The following ZNF280B variants were observed in gnomAD, a reference collection of about 807,000 sequenced individuals.
ZNF280B encodes zinc finger protein 280B, also known as suppressor of hairy wing homolog 2.
ZNF280B carries 16 observed loss-of-function variants against 38.0 expected under a neutral mutation model. The observed-to-expected ratio is 0.42, with a 90% CI of 0.28 to 0.64. The LOEUF (loss-of-function observed/expected upper bound fraction) is 0.64, where lower values mean the gene tolerates loss of function less well. ZNF280B is among the 30% of genes least tolerant of loss of function. The probability of loss-of-function intolerance (pLI) is 0.21; values close to 1 mark genes in which losing one functional copy is unlikely to be tolerated. For missense variants in ZNF280B, 581 were observed against 639.6 expected, an observed-to-expected ratio of 0.91 and a Z score of 0.99; for synonymous variants, 253 against 230.6, an observed-to-expected ratio of 1.10 and a Z score of -0.88.
chr22:22,495,191 C>T (rs2061670385), intron 2 of ZNF280B, among the ~76,000 whole-genome samples: 1 of 151,960 alleles, frequency 6.6e-6, no homozygotes, highest in African/African-American at 2.4e-5. Flanking sequence ...TAACAGTACA[C>T]CTTAGGAGCT....
chr22:22,505,532 C>T (rs976768211), intron 2 of ZNF280B, among the ~76,000 whole-genome samples: 1 of 151,704 alleles, frequency 6.6e-6, no homozygotes, highest in Non-Finnish European at 1.5e-5. Context: ...TGCCACTGCA[C>T]TCCAGCCTGG....
chr22:22,489,111 T>C lies in ZNF280B; in HGVS notation c.288A>G (p.Ser96=), dbSNP rs2061544247. 3 of 1,613,940 alleles carry C rather than the reference T, an allele frequency of 1.9e-6. No homozygotes were observed. In the East Asian group the frequency reaches 6.7e-5, roughly 36 times the overall value. The change falls in exon 4 of 4, where the codon TCA becomes TCG. Residue 96 remains serine, a synonymous_variant. Coordinates refer to ENST00000626650, the MANE Select transcript of ZNF280B (RefSeq NM_080764.4). ...LQPKSHETVT[S]EAVTVLPASQ... ...AAGCTGGCAGGACGGTCACTGCTTC[T>C]GATGTAACGGTCTCATGACTTTTAG...
intron 2 of ZNF280B, among the ~76,000 whole-genome samples, chr22:22,498,132 C>T (rs2061738713): frequency 6.6e-6 from 1 of 151,760 alleles, no homozygotes; most frequent in African/African-American, 2.4e-5. Flanking sequence ...ATTTCATTTA[C>T]AGGAAATATC....
chr22:22,504,629 T>G (rs1207218195), intron 2 of ZNF280B, among the ~76,000 whole-genome samples: 2 of 152,014 alleles, frequency 1.3e-5, no homozygotes, highest in Admixed American at 1.3e-4. Context: ...TAAGGTTCTG[T>G]GTGTAGCCAA....
chr22:22,488,930 T>C lies in ZNF280B; in HGVS notation c.469A>G (p.Ser157Gly), dbSNP rs762058379. The change falls in exon 4 of 4, where the codon AGT (serine) becomes GGT (glycine). Residue 157 changes from serine (S) to glycine (G), a missense_variant. Transcript: ENST00000626650. ...TFTDSLHHPV[S>G]TALSVGGINE... ...ATACCTCCTACTGAAAGTGCTGTAC[T>C]TACTGGATGATGCAATGAATCTGTG... 6.2e-7 allele frequency: 1 copy of C among 1,613,842 alleles called. No individual in the cohort carries two copies.
Position 22,508,717 on chromosome 22 carries a change from C to A in ZNF280B, c.-306G>T, listed in dbSNP as rs529554506. 11 of 151,930 alleles carry A rather than the reference C, an allele frequency of 7.2e-5. No homozygotes were observed. The highest frequency in any genetic ancestry group is 2.4e-4 in the African/African-American group (10 of 41,382). 9.4% of individuals were successfully genotyped at this position (151,930 alleles called of 1,614,324 possible). A position where few individuals can be genotyped will look rare whatever the true frequency, so the allele number is the denominator to read the frequency against. ...GCCACGCACCAGCCCCGGAGGCGCTCCCGGGGCACAGCCGGCGGCGACTAC... is the reference window on the plus strand; with the variant it reads ...GCCACGCACCAGCCCCGGAGGCGCTACCGGGGCACAGCCGGCGGCGACTAC... On this transcript the variant is annotated 5_prime_UTR_variant, in exon 1 of 4. Transcript: ENST00000626650.
rs989845927 is a variant in ZNF280B, at chr22:22,486,903, A to G, written c.*864T>C. The G allele has an allele frequency of 2.0e-5, 3 of 151,950 alleles. No homozygotes were observed. The highest frequency in any genetic ancestry group is 4.4e-5 in the Non-Finnish European group (3 of 68,030). 9.4% of individuals were successfully genotyped at this position (151,950 alleles called of 1,614,324 possible). A position where few individuals can be genotyped will look rare whatever the true frequency, so the allele number is the denominator to read the frequency against. ...CTGCTCACGCAGCAGCTTCTCTTTC[A>G]ATTCCACATCCTGGCTTTTCAGAAT... On this transcript the variant is annotated 3_prime_UTR_variant, in exon 4 of 4. Transcript: ENST00000626650.
Position 22,508,720 on chromosome 22 carries a change from G to A in ZNF280B, c.-309C>T, listed in dbSNP as rs1005392409. 6.6e-6 allele frequency: 1 copy of A among 151,884 alleles called. No individual in the cohort carries two copies. Among genetic ancestry groups the A allele is most frequent in the Non-Finnish European group, 1.5e-5 (1 of 68,002 alleles). The allele number at this position is 151,884 out of a possible 1,614,324, so 9.4% of individuals were successfully genotyped here. A position where few individuals can be genotyped will look rare whatever the true frequency, so the allele number is the denominator to read the frequency against. On this transcript the variant is annotated 5_prime_UTR_variant, in exon 1 of 4. Transcript: ENST00000626650. ...ACGCACCAGCCCCGGAGGCGCTCCC[G>A]GGGCACAGCCGGCGGCGACTACGCC...
chr22:22,501,019 C>CA (rs56907724), intron 2 of ZNF280B, among the ~76,000 whole-genome samples: 1,152 of 60,120 alleles, frequency 0.019, 24 homozygotes, highest in South Asian at 0.048. Context: ...GACTCCGTCT[C>CA]AAAAAAAAAA....
chr22:22,496,348 T>C (rs138505357), intron 2 of ZNF280B, among the ~76,000 whole-genome samples: 12 of 151,682 alleles, frequency 7.9e-5, no homozygotes, highest in Non-Finnish European at 1.5e-4. Flanking sequence ...TCCACCCACC[T>C]TGGCCTCCAA....
At chr22:22,505,497 C>T (rs1221853948) in intron 2 of ZNF280B, among the ~76,000 whole-genome samples, 1 of 151,842 alleles carries the variant, frequency 6.6e-6, no homozygotes, top group East Asian at 2.0e-4. Context: ...ACCCAGAAGA[C>T]AGAGGCTGCG....
At chr22:22,492,792 A>C (rs961166451) in intron 3 of ZNF280B, among the ~76,000 whole-genome samples, 8 of 151,320 alleles carry the variant, frequency 5.3e-5, no homozygotes, top group African/African-American at 1.9e-4. Flanking sequence ...AGGCTGAGGC[A>C]GGAGAATCGC....
intron 2 of ZNF280B, among the ~76,000 whole-genome samples, chr22:22,505,224 G>C (rs1001473694): frequency 1.3e-5 from 2 of 151,914 alleles, no homozygotes; most frequent in Non-Finnish European, 2.9e-5. Flanking sequence ...GATAAAAAAT[G>C]AGCTGTTTGT....
chr22:22,500,325 A>G (rs1402846432), intron 2 of ZNF280B, among the ~76,000 whole-genome samples: 1 of 151,814 alleles, frequency 6.6e-6, no homozygotes, highest in Admixed American at 6.6e-5. Context: ...AAGGGGTAGA[A>G]GCAACCCAAA....
rs1054406921 is a variant in ZNF280B at position 22,487,484 on chromosome 22, T to TA, written c.*282dup. 20 of 185,784 alleles carry TA rather than the reference T, an allele frequency of 1.1e-4. No homozygotes were observed. The highest frequency in any genetic ancestry group is 1.8e-4 in the Non-Finnish European group (17 of 95,076). 11.5% of individuals were successfully genotyped at this position (185,784 alleles called of 1,614,324 possible). A position where few individuals can be genotyped will look rare whatever the true frequency, so the allele number is the denominator to read the frequency against. On this transcript the variant is annotated 3_prime_UTR_variant, in exon 4 of 4. Coordinates refer to ENST00000626650, the MANE Select transcript of ZNF280B (RefSeq NM_080764.4). Reference sequence around the variant, plus strand: ...AAAAAAAAAAAAAAAAAATTAAAATTAAAAAAATAAATTAATACCTTTTTC... The same window carrying TA: ...AAAAAAAAAAAAAAAAAATTAAAATTAAAAAAAATAAATTAATACCTTTTTC...
chr22:22,501,938 G>GA (rs558752305), intron 2 of ZNF280B, among the ~76,000 whole-genome samples: 75 of 144,214 alleles, frequency 5.2e-4, no homozygotes, highest in African/African-American at 9.1e-4. Context: ...ACTGTCTCAA[G>GA]AAAAAAAAAA....
Position 22,488,963 on chromosome 22 carries a change from T to A in ZNF280B, c.436A>T (p.Ile146Phe), listed in dbSNP as rs754308657. Residue 146 changes from isoleucine to phenylalanine, a missense_variant, in exon 4 of 4, where the codon ATT becomes TTT. Physicochemically the swap from Ile to Phe is conservative, Grantham distance 21. Coordinates refer to ENST00000626650, the MANE Select transcript of ZNF280B (RefSeq NM_080764.4). ...TGATGCAATGAATCTGTGAATGTAATCAAAGGAGAAGGTAATTCTGAAGAG... is the reference window on the plus strand; with the variant it reads ...TGATGCAATGAATCTGTGAATGTAAACAAAGGAGAAGGTAATTCTGAAGAG... ...NNSSELPSPL[I>F]TFTDSLHHPV... is the part of the protein sequence containing the mutation. The A allele has an allele frequency of 6.2e-7, 1 of 1,613,846 alleles. No individual in the cohort carries two copies. The highest frequency in any genetic ancestry group is 8.5e-7 in the Non-Finnish European group (1 of 1,179,970).
At chr22:22,493,540 A>T (rs1223094756) in intron 3 of ZNF280B, among the ~76,000 whole-genome samples, 1 of 151,882 alleles carries the variant, frequency 6.6e-6, no homozygotes, top group African/African-American at 2.4e-5. Flanking sequence ...CTATTTTGTA[A>T]ACCTGTTCAA....
chr22:22,488,769 T>C lies in ZNF280B; in HGVS notation c.630A>G (p.Thr210=). ...AGGGTGTACTTTGCTGAGTATTCAT[T>C]GTATGAAAGGTATCTGAAGGGAATG... is the stretch of plus-strand genomic sequence containing the variant. ...SASFPSDTFH[T]MNTQQSTPSN... The change falls in exon 4 of 4, where the codon ACA becomes ACG. Residue 210 remains threonine (T), a synonymous_variant. Transcript: ENST00000626650. 6.2e-7 allele frequency: 1 copy of C among 1,613,888 alleles called. No individual in the cohort carries two copies. The highest frequency in any genetic ancestry group is 8.5e-7 in the Non-Finnish European group (1 of 1,179,970).
Sources: allele counts gnomAD v4.1 joint callset (sites outside exome capture counted in the v4.1 genomes callset), GRCh38; gene constraint gnomAD v4.1.1; transcripts MANE v1.5; gene names NCBI Gene and HGNC (gene_info 2026-07-23, HGNC 2026-07-21).